Variants in TRPS1 observed in about 807,000 individuals in gnomAD.
TRPS1 encodes zinc finger transcription factor Trps1.
Under a neutral mutation model 101.2 loss-of-function variants are expected in TRPS1, and 6 were observed. The ratio of observed to expected loss-of-function variants is 0.06; its 90% CI spans 0.03 to 0.12. The LOEUF is 0.12. Among genes scored for constraint, TRPS1 ranks in the 10% least tolerant of loss-of-function variants. TRPS1 has a pLI of 1.00. For synonymous variants in TRPS1, 578 were observed against 589.8 expected, an observed-to-expected ratio of 0.98 and a Z score of 0.29; for missense variants, 1,363 against 1,567.0, an observed-to-expected ratio of 0.87 and a Z score of 2.20.
intron 5 of TRPS1, among the ~76,000 whole-genome samples, chr8:115,466,406 G>C (rs1649334966): frequency 6.6e-6 from 1 of 152,104 alleles, no homozygotes; most frequent in African/African-American, 2.4e-5. Context: ...TGAGGCAAGT[G>C]CTTTATTTCC....
chr8:115,634,854 T>A (rs1262012481), intron 1 of TRPS1, among the ~76,000 whole-genome samples: 1 of 150,100 alleles, frequency 6.7e-6, no homozygotes, highest in African/African-American at 2.5e-5. Flanking sequence ...GTGTTTACCA[T>A]CTTCTTAGGT....
chr8:115,636,040 T>C (rs1013930341), intron 1 of TRPS1, among the ~76,000 whole-genome samples: 1 of 152,136 alleles, frequency 6.6e-6, no homozygotes, highest in Non-Finnish European at 1.5e-5. Context: ...CTTTAAAATA[T>C]TGTCTGATTT....
intron 5 of TRPS1, among the ~76,000 whole-genome samples, chr8:115,478,259 A>G (rs1216319614): frequency 6.6e-6 from 1 of 152,188 alleles, no homozygotes; most frequent in Non-Finnish European, 1.5e-5. Context: ...CTCAATAGTG[A>G]TGTTGAAATT....
chr8:115,617,369 A>C (rs770223639), intron 3 of TRPS1, among the ~76,000 whole-genome samples: 32 of 152,292 alleles, frequency 2.1e-4, no homozygotes, highest in Non-Finnish European at 2.6e-4. Flanking sequence ...TTACTTCTAA[A>C]ATCACTGCCC....
chr8:115,627,913 A>G (rs902845623), intron 1 of TRPS1, among the ~76,000 whole-genome samples: 3 of 151,796 alleles, frequency 2.0e-5, no homozygotes, highest in Non-Finnish European at 4.4e-5. Context: ...AACATAGTGC[A>G]ATTAGAATGC....
At chr8:115,609,705 A>C (rs1029114225) in intron 3 of TRPS1, among the ~76,000 whole-genome samples, 8 of 152,172 alleles carry the variant, frequency 5.3e-5, no homozygotes, top group Non-Finnish European at 8.8e-5. Flanking sequence ...CACCTAAAAC[A>C]ATTAAGGCAC....
At chr8:115,426,906 C>A (rs969807299) in intron 5 of TRPS1, among the ~76,000 whole-genome samples, 1 of 152,102 alleles carries the variant, frequency 6.6e-6, no homozygotes, top group Non-Finnish European at 1.5e-5. Flanking sequence ...GACAATAGTT[C>A]TTTGACTTAT....
At chr8:115,489,966 C>T (rs557590641) in intron 5 of TRPS1, among the ~76,000 whole-genome samples, 1 of 152,016 alleles carries the variant, frequency 6.6e-6, no homozygotes, top group Non-Finnish European at 1.5e-5. Context: ...TTAAAAGTTA[C>T]TGATCCTCAA....
intron 5 of TRPS1, among the ~76,000 whole-genome samples, chr8:115,549,292 T>C (rs1019868938): frequency 1.2e-4 from 19 of 152,346 alleles, no homozygotes; most frequent in African/African-American, 4.6e-4. Flanking sequence ...ATTCAATCAC[T>C]GTCAATCTCT....
intron 1 of TRPS1, among the ~76,000 whole-genome samples, chr8:115,628,961 T>C (rs1012306404): frequency 6.6e-6 from 1 of 151,774 alleles, no homozygotes; most frequent in African/African-American, 2.4e-5. Flanking sequence ...GTCCTAGGGA[T>C]TGGAGAGGGT....
rs1308319149 is a variant in TRPS1 at position 115,532,204 on chromosome 8, C to T, written c.2700+54797G>A. Reference sequence around the variant, plus strand: ...TTGGTCCAATACTTCTGAAATAAGTCTACCTAATCTAAGCAAGAAATGGAA... The same window carrying T: ...TTGGTCCAATACTTCTGAAATAAGTTTACCTAATCTAAGCAAGAAATGGAA... On this transcript the variant is annotated intron_variant, in intron 5 of 6. Coordinates refer to ENST00000395715, the MANE Select transcript of TRPS1 (RefSeq NM_014112.5). 4.0e-5 allele frequency among the ~76,000 whole-genome samples: 6 copies of T among 151,312 alleles called. 1 individual carries two copies. Among genetic ancestry groups the T allele is most frequent in the Admixed American group, 2.0e-4 (3 of 15,140 alleles).
chr8:115,413,124 A>G lies in TRPS1; in HGVS notation c.*899T>C, dbSNP rs923310302. On this transcript the variant is annotated 3_prime_UTR_variant, in exon 7 of 7. Transcript: ENST00000395715. ...CCATCTATGCTTTTGAATTGAGGGG[A>G]TTCCTTTAGTTATAATGTGCCAAGT... The G allele has an allele frequency of 2.0e-5, 3 of 152,144 alleles. No individual in the cohort carries two copies. The South Asian group carries it at 6.2e-4, about 31-fold the overall frequency. 9.4% of individuals were successfully genotyped at this position (152,144 alleles called of 1,614,324 possible).
chr8:115,513,686 CT>C (rs1437186659), intron 5 of TRPS1, among the ~76,000 whole-genome samples: 1 of 98,136 alleles, frequency 1.0e-5, no homozygotes, highest in Non-Finnish European at 2.1e-5. Flanking sequence ...GGCTCAAAGA[CT>C]AAAACATTTA....
At position 115,623,703 on chromosome 8, in the gene TRPS1, T is replaced by C; in HGVS notation, c.-66A>G. On this transcript the variant is annotated 5_prime_UTR_variant, in exon 2 of 7. Transcript: ENST00000395715. ...TCAACTAGCAGGAGGCTAATGCAAT[T>C]GTCTTAGAAGACGCTCAGAAGACAC... 1 of 1,592,754 alleles carries C rather than the reference T, an allele frequency of 6.3e-7. No individual in the cohort carries two copies. Among genetic ancestry groups the C allele is most frequent in the Non-Finnish European group, 8.6e-7 (1 of 1,168,300 alleles).
rs765913591 is a variant in TRPS1 at position 115,604,653 on chromosome 8, T to C, written c.1316A>G (p.Asn439Ser). ...PIKPLDSSRQNGTEATSYYWC... is the reference protein window; with the variant it reads ...PIKPLDSSRQSGTEATSYYWC... ...GTAGTAACTGGTGGCCTCTGTACCA[T>C]TTTGTCTAGAGGAATCGAGGGGCTT... Residue 439 changes from asparagine (N) to serine (S), a missense_variant, in exon 4 of 7, where the codon AAT (asparagine) becomes AGT (serine). By Grantham distance (46) the Asn-to-Ser change is conservative. Around this residue, in one of 5 missense-constraint regions of TRPS1, gnomAD observed 1,020 missense variants for 1,073.0 expected, o/e 0.95. Coordinates refer to ENST00000395715, the MANE Select transcript of TRPS1 (RefSeq NM_014112.5). This position sits in a 1 kb window ranked among gnomAD's most constrained non-coding sequence, Gnocchi z 4.1. The C allele has an allele frequency of 1.9e-6, 3 of 1,613,836 alleles. No homozygotes were observed. Among genetic ancestry groups the C allele is most frequent in the African/African-American group, 2.7e-5 (2 of 74,876 alleles).
At chr8:115,634,391 A>ATGGAAAG (rs1335311958) in intron 1 of TRPS1, among the ~76,000 whole-genome samples, 1 of 152,224 alleles carries the variant, frequency 6.6e-6, no homozygotes, top group Non-Finnish European at 1.5e-5. Context: ...AAGCCTACAC[A>ATGGAAAG]TGGAAAGAAA....
intron 5 of TRPS1, among the ~76,000 whole-genome samples, chr8:115,564,843 C>T (rs1586408122): frequency 6.6e-6 from 1 of 151,970 alleles, no homozygotes; most frequent in Non-Finnish European, 1.5e-5. Flanking sequence ...TTCTGGCCAC[C>T]ATCCACACTC....
chr8:115,578,535 A>G (rs1817372581), intron 5 of TRPS1, among the ~76,000 whole-genome samples: 1 of 152,078 alleles, frequency 6.6e-6, no homozygotes, highest in Non-Finnish European at 1.5e-5. Flanking sequence ...ACATACTAGG[A>G]TGTCACTATT....
chr8:115,572,414 G>A (rs1439382724), intron 5 of TRPS1, among the ~76,000 whole-genome samples: 1 of 151,534 alleles, frequency 6.6e-6, no homozygotes, highest in African/African-American at 2.4e-5. Context: ...TTGAGAAGGG[G>A]TCATTTCCTT....
Sources: allele counts gnomAD v4.1 joint callset (sites outside exome capture counted in the v4.1 genomes callset), GRCh38; gene constraint gnomAD v4.1.1; regional missense constraint gnomAD v4.1.1; non-coding constraint Gnocchi (gnomAD v3.1); transcripts MANE v1.5; gene names NCBI Gene and HGNC (gene_info 2026-07-23, HGNC 2026-07-21).